Variants in SHOX2 observed in about 807,000 individuals in gnomAD.
SHOX2 encodes short stature homeobox protein 2.
SHOX2 carries 13 observed loss-of-function variants against 31.3 expected under a neutral mutation model. The ratio of observed to expected loss-of-function variants is 0.42; its 90% CI spans 0.27 to 0.66. The LOEUF is 0.66. SHOX2 is among the 30% of genes least tolerant of loss of function. The probability of loss-of-function intolerance (pLI) is 0.27; values close to 1 mark genes in which losing one functional copy is unlikely to be tolerated. For synonymous variants in SHOX2, 244 were observed against 196.2 expected (o/e 1.24, Z -2.04); for missense variants, 473 against 443.0 (o/e 1.07, Z -0.61).
At chr3:158,105,610 C>G (rs992488252) in intron 1 of SHOX2, 69 bp downstream of exon 1, 3 of 1,413,302 alleles carry the variant, frequency 2.1e-6, no homozygotes, top group Admixed American at 5.0e-5. Context: ...CCTCGGAGTC[C>G]TCTCCCGCCC....
rs539414065 is a variant in SHOX2 at position 158,105,753 on chromosome 3, C to G, written c.272G>C (p.Arg91Pro). The G allele has an allele frequency of 4.5e-4, 691 of 1,522,306 alleles. 17 individuals are homozygous for G. In the East Asian group the frequency reaches 0.019, roughly 41 times the overall value. 94.3% of individuals were successfully genotyped at this position (1,522,306 alleles called of 1,614,324 possible). The change falls in exon 1 of 5, where the codon CGC becomes CCC. Residue 91 changes from arginine (R) to proline (P), a missense_variant. Arg to Pro is a moderately radical substitution (Grantham distance 103). Coordinates refer to ENST00000483851, the MANE Select transcript of SHOX2 (RefSeq NM_001163678.2). ...GGAGGGAGGG[R>P]SPVRELDMGA... is the part of the protein sequence containing the mutation. ...CATGTCCAGCTCCCGGACGGGAGAG[C>G]GCCCTCCTCCAGCTCCTCCGCCTGC... is the stretch of plus-strand genomic sequence containing the variant.
chr3:158,103,149 G>T (rs1460463415), intron 1 of SHOX2: 4 of 544,332 alleles, frequency 7.3e-6, no homozygotes. Flanking sequence ...CTTCACAAAC[G>T]TACCTCGACT....
chr3:158,099,463 A>G (rs1713347346), intron 4 of SHOX2, among the ~76,000 whole-genome samples: 1 of 152,244 alleles, frequency 6.6e-6, no homozygotes, highest in East Asian at 1.9e-4. Context: ...GAGTTATTTA[A>G]TGTGACTAAG....
intron 1 of SHOX2, chr3:158,105,214 A>C: frequency 9.1e-6 from 7 of 770,502 alleles, no homozygotes; most frequent in Non-Finnish European, 1.6e-5. Context: ...GCGGCCCCAA[A>C]CACCTAGGCG....
chr3:158,105,693 G>C lies in SHOX2; in HGVS notation c.332C>G (p.Pro111Arg), dbSNP rs1397985103. 3 of 1,522,982 alleles carry C rather than the reference G, an allele frequency of 2.0e-6. No homozygotes were observed. The highest frequency in any genetic ancestry group is 2.4e-5 in the South Asian group (2 of 82,768). The allele number at this position is 1,522,982 out of a possible 1,614,324, so 94.3% of individuals were successfully genotyped here. ...AAERSREPGS[P>R]RLTEVSPELK... ...CAGGTCGTTACCCTCCGTCAGTCGCGGGCTGCCCGGCTCCCTGCTTCTCTC... is the reference window on the plus strand; with the variant it reads ...CAGGTCGTTACCCTCCGTCAGTCGCCGGCTGCCCGGCTCCCTGCTTCTCTC... Residue 111 changes from proline (P) to arginine (R), a missense_variant, in exon 1 of 5, where the codon CCG becomes CGG. Physicochemically the swap from Pro to Arg is moderately radical, Grantham distance 103 (BLOSUM62 -2). Coordinates refer to ENST00000483851, the MANE Select transcript of SHOX2 (RefSeq NM_001163678.2).
In SHOX2 at chr3:158,102,888, T is replaced by C; in HGVS notation, c.347-2A>G. ...TGCGATCTTTCAGCTCCGGGGACACTGGAGGGGGCACCCCAGCGGGGCCAC... is the reference window on the plus strand; with the variant it reads ...TGCGATCTTTCAGCTCCGGGGACACCGGAGGGGGCACCCCAGCGGGGCCAC... On this transcript the variant is annotated splice_acceptor_variant, in intron 1 of 4. Coordinates refer to ENST00000483851, the MANE Select transcript of SHOX2 (RefSeq NM_001163678.2). LOFTEE classifies it high-confidence loss of function. The C allele has an allele frequency of 6.2e-7, 1 of 1,613,530 alleles. No homozygotes were observed. The highest frequency in any genetic ancestry group is 8.5e-7 in the Non-Finnish European group (1 of 1,179,828).
chr3:158,103,635 A>G (rs570626458), intron 1 of SHOX2: 1 of 152,434 alleles, frequency 6.6e-6, no homozygotes, highest in Non-Finnish European at 1.5e-5. Context: ...TTGGCTGCCC[A>G]AAGGGCTCGC....
Position 158,103,100 on chromosome 3 carries a change from C to T in SHOX2, c.347-214G>A, listed in dbSNP as rs373679179. Reference sequence around the variant, plus strand: ...GAGAAGCGCAAAGGTCAAGTCTGAGCGGCCGCCTGGGGCAAGGTGGGCAGT... The same window carrying T: ...GAGAAGCGCAAAGGTCAAGTCTGAGTGGCCGCCTGGGGCAAGGTGGGCAGT... On this transcript the variant is annotated intron_variant, in intron 1 of 4. Transcript: ENST00000483851. 275 of 601,356 alleles carry T rather than the reference C, an allele frequency of 4.6e-4. 5 individuals are homozygous for T. The East Asian group carries it at 5.5e-3, about 12-fold the overall frequency. The allele number at this position is 601,356 out of a possible 1,614,324, so 37.3% of individuals were successfully genotyped here.
chr3:158,105,791 T>TCC lies in SHOX2; in HGVS notation c.233_234insGG (p.Gly79GlufsTer36). The TCC allele has an allele frequency of 2.0e-6, 3 of 1,490,366 alleles. No individual in the cohort carries two copies. The highest frequency in any genetic ancestry group is 2.7e-6 in the Non-Finnish European group (3 of 1,123,294). The allele number at this position is 1,490,366 out of a possible 1,614,324, so 92.3% of individuals were successfully genotyped here. Reference sequence around the variant, plus strand: ...CTCCTCCGCCTGCTCCTCCTCCTCCTACACCTCCTCCGCCTCCTCCGCCGC... The same window carrying TCC: ...CTCCTCCGCCTGCTCCTCCTCCTCCTCCACACCTCCTCCGCCTCCTCCGCCGC... On this transcript the variant is annotated frameshift_variant, in exon 1 of 5. Coordinates refer to ENST00000483851, the MANE Select transcript of SHOX2 (RefSeq NM_001163678.2). LOFTEE classifies it high-confidence loss of function.
chr3:158,101,307 T>C (rs1713473182), intron 2 of SHOX2, among the ~76,000 whole-genome samples: 2 of 152,258 alleles, frequency 1.3e-5, no homozygotes, highest in Non-Finnish European at 2.9e-5. Context: ...TTCTCTGCTA[T>C]TTAGTACAAC....
At chr3:158,100,078 T>G (rs372047942) in intron 3 of SHOX2, 130 bp from the exon 4 acceptor site, 8 of 942,284 alleles carry the variant, frequency 8.5e-6, no homozygotes, top group African/African-American at 8.3e-5. Flanking sequence ...CATCCAAAAT[T>G]TAAATAAATG....
At chr3:158,102,937 C>A (rs1417692138) in intron 1 of SHOX2, 51 bp from the exon 2 acceptor site, 2 of 1,427,392 alleles carry the variant, frequency 1.4e-6, no homozygotes, top group South Asian at 1.1e-5. Context: ...CGAACACACA[C>A]ACACACGCAC....
rs889397597 is a variant in SHOX2 at position 158,102,556 on chromosome 3, C to A, written c.555+122G>T. On this transcript the variant is annotated intron_variant, in intron 2 of 4. Coordinates refer to ENST00000483851, the MANE Select transcript of SHOX2 (RefSeq NM_001163678.2). ...AATAAGACCTCTAGTAAAGATATCT[C>A]TTTCCTTCTCATCTTACACCAGACA... 9 of 752,628 alleles carry A rather than the reference C, an allele frequency of 1.2e-5. No homozygotes were observed. The African/African-American group carries it at 1.6e-4, about 13-fold the overall frequency. 46.6% of individuals were successfully genotyped at this position (752,628 alleles called of 1,614,324 possible).
chr3:158,105,212 A>C, intron 1 of SHOX2: 1 of 824,716 alleles, frequency 1.2e-6, no homozygotes, highest in Non-Finnish European at 2.0e-6. Context: ...TGGCGGCCCC[A>C]AACACCTAGG....
chr3:158,103,798 G>C (rs1713670315), intron 1 of SHOX2: 1 of 152,218 alleles, frequency 6.6e-6, no homozygotes, highest in Non-Finnish European at 1.5e-5. Context: ...GGTTCAAGCG[G>C]AATATTCGCG....
chr3:158,106,007 C>A lies in SHOX2; in HGVS notation c.18G>T (p.Ala6=), dbSNP rs745688821. The A allele has an allele frequency of 1.9e-6, 3 of 1,613,048 alleles. No individual in the cohort carries two copies. The Admixed American group carries it at 5.0e-5, about 27-fold the overall frequency. The change falls in exon 1 of 5, where the codon GCG becomes GCT. Residue 6 remains alanine (A), a synonymous_variant. Transcript: ENST00000483851. The part of the protein sequence containing the change: MEELT[A]FVSKSFDQKV... ...TCTGGTCAAAAGACTTGGAGACGAA[C>A]GCCGTAAGTTCTTCCATCGCCGCCG...
At chr3:158,103,219 C>T in intron 1 of SHOX2, 2 of 402,446 alleles carry the variant, frequency 5.0e-6, no homozygotes, top group Non-Finnish European at 9.4e-6. Context: ...CAAATGGTTT[C>T]CACTCACTTT....
At chr3:158,104,498 T>C (rs936582071) in intron 1 of SHOX2, among the ~76,000 whole-genome samples, 1 of 152,262 alleles carries the variant, frequency 6.6e-6, no homozygotes, top group Non-Finnish European at 1.5e-5. Context: ...GTAAACATTA[T>C]GGGCCAATTT....
rs1304983727 is a variant in SHOX2, at chr3:158,097,780, A to C, written c.*247T>G. ...CCCCAAACCCGCTCCTACAAAACCC[A>C]ATTCTAGGCCCTCGAGTAGGAAAAC... On this transcript the variant is annotated 3_prime_UTR_variant, in exon 5 of 5. Coordinates refer to ENST00000483851, the MANE Select transcript of SHOX2 (RefSeq NM_001163678.2). 1.8e-6 allele frequency: 1 copy of C among 557,850 alleles called. No individual in the cohort carries two copies. The highest frequency in any genetic ancestry group is 3.3e-5 in the Admixed American group (1 of 30,506). 34.6% of individuals were successfully genotyped at this position (557,850 alleles called of 1,614,324 possible).
Sources: allele counts gnomAD v4.1 joint callset (sites outside exome capture counted in the v4.1 genomes callset), GRCh38; gene constraint gnomAD v4.1.1; transcripts MANE v1.5; gene names NCBI Gene and HGNC (gene_info 2026-07-23, HGNC 2026-07-21).